MACROD2: variants seen among roughly 807,000 people sequenced by gnomAD.
MACROD2 encodes mono-ADP ribosylhydrolase 2, also known as ADP-ribose glycohydrolase MACROD2.
In MACROD2, 36 loss-of-function variants were observed where a neutral mutation model predicts 70.4. The ratio of observed to expected loss-of-function variants is 0.51; its 90% confidence interval spans 0.39 to 0.68. MACROD2 has a LOEUF of 0.68. Among genes scored for constraint, MACROD2 ranks in the 30% least tolerant of loss-of-function variants. The pLI is 0.00. For synonymous variants in MACROD2, 172 were observed against 178.8 expected (o/e 0.96, Z 0.30); for missense variants, 496 against 538.4 (o/e 0.92, Z 0.78).
At chr20:14,940,509 A>G (rs993646538) in intron 5 of MACROD2, among the ~76,000 whole-genome samples, 4 of 152,166 alleles carry the variant, frequency 2.6e-5, no homozygotes, top group Admixed American at 1.3e-4. Context: ...CAATTTTTCC[A>G]TGTTCAGTAC....
chr20:14,239,222 G>A (rs2081907529), intron 3 of MACROD2, among the ~76,000 whole-genome samples: 1 of 152,022 alleles, frequency 6.6e-6, no homozygotes, highest in South Asian at 2.1e-4. Context: ...AGAAATCAGA[G>A]ATAACAGAAA....
At chr20:15,344,006 G>A (rs1177144652) in intron 6 of MACROD2, among the ~76,000 whole-genome samples, 1 of 152,142 alleles carries the variant, frequency 6.6e-6, no homozygotes, top group African/African-American at 2.4e-5. Flanking sequence ...ATAGAAAAAT[G>A]TGAGAAAGGA....
In MACROD2 at chr20:15,701,044, A is replaced by G. The variant is rs78212842; in HGVS notation, c.646-161701A>G. Among the ~76,000 whole-genome samples the G allele has an allele frequency of 3.0e-3, 456 of 152,282 alleles. 5 individuals carry two copies. The highest frequency in any genetic ancestry group is 0.01 in the African/African-American group (435 of 41,554). On this transcript the variant is annotated intron_variant, in intron 8 of 17. Coordinates refer to ENST00000684519, the MANE Select transcript of MACROD2 (RefSeq NM_001351661.2). ...TTGGTTCAGCTGATCTGGGAACCAA[A>G]TTTTGAGAACTGCTGACCTCCACTA...
intron 8 of MACROD2, among the ~76,000 whole-genome samples, chr20:15,728,647 A>C (rs970708842): frequency 6.6e-6 from 1 of 152,108 alleles, no homozygotes; most frequent in Admixed American, 6.5e-5. Context: ...GTTTTTAAAA[A>C]TTTATCCATT....
chr20:15,691,741 G>T (rs1315938091), intron 8 of MACROD2, among the ~76,000 whole-genome samples: 1 of 152,162 alleles, frequency 6.6e-6, no homozygotes. Flanking sequence ...CTTGCTTGCT[G>T]CCCAGCCTAG....
chr20:15,636,098 A>AAAAAG (rs1555851926), intron 8 of MACROD2, among the ~76,000 whole-genome samples: 278 of 138,466 alleles, frequency 2.0e-3, no homozygotes, highest in Non-Finnish European at 3.7e-3. Flanking sequence ...AAAAAGAAAG[A>AAAAAG]AAAGAAAAGA....
chr20:15,392,651 G>A (rs2045808961), intron 6 of MACROD2, among the ~76,000 whole-genome samples: 1 of 151,962 alleles, frequency 6.6e-6, no homozygotes, highest in African/African-American at 2.4e-5. Flanking sequence ...CTGTTTTGAG[G>A]ATTGGTGCTT....
intron 6 of MACROD2, among the ~76,000 whole-genome samples, chr20:15,318,233 AT>A: frequency 6.6e-6 from 1 of 152,180 alleles, no homozygotes; most frequent in Non-Finnish European, 1.5e-5. Context: ...CAAAACATGG[AT>A]GAAATTGACA....
Position 14,706,967 on chromosome 20 carries a change from A to G in MACROD2, c.418+22008A>G, listed in dbSNP as rs543283388. On this transcript the variant is annotated intron_variant, in intron 5 of 17. Coordinates refer to ENST00000684519, the MANE Select transcript of MACROD2 (RefSeq NM_001351661.2). ...TAGGATGCAGAAAGCTAGGAGCTCA[A>G]ATTTAGATCCAAGGCAGTAATTCTC... Among the ~76,000 whole-genome samples the G allele has an allele frequency of 2.6e-5, 4 of 152,262 alleles. No homozygotes were observed. In the South Asian group the frequency reaches 8.3e-4, roughly 32 times the overall value.
At chr20:15,400,413 AC>A (rs1227694446) in intron 6 of MACROD2, among the ~76,000 whole-genome samples, 10 of 152,078 alleles carry the variant, frequency 6.6e-5, no homozygotes, top group Admixed American at 2.0e-4. Context: ...GTACCATGAC[AC>A]ACTTCACTTT....
At chr20:15,123,605 CA>C (rs1279255081) in intron 5 of MACROD2, among the ~76,000 whole-genome samples, 1 of 30,588 alleles carries the variant, frequency 3.3e-5, no homozygotes, top group Non-Finnish European at 6.2e-5. Flanking sequence ...AAATTCATTG[CA>C]CTTATTTTTT....
chr20:16,011,031 G>A (rs2066856388), intron 15 of MACROD2, among the ~76,000 whole-genome samples: 1 of 152,218 alleles, frequency 6.6e-6, no homozygotes, highest in Non-Finnish European at 1.5e-5. Flanking sequence ...TTGGGACAGA[G>A]TATCTTTTCC....
intron 6 of MACROD2, among the ~76,000 whole-genome samples, chr20:15,305,446 C>T (rs1356581786): frequency 6.6e-6 from 1 of 152,118 alleles, no homozygotes; most frequent in Non-Finnish European, 1.5e-5. Flanking sequence ...AGTTAAGGCA[C>T]ACAAATAAAT....
chr20:14,979,027 C>T (rs911472998), intron 5 of MACROD2, among the ~76,000 whole-genome samples: 6 of 150,264 alleles, frequency 4.0e-5, no homozygotes, highest in African/African-American at 1.5e-4. Flanking sequence ...TCATAGCTCA[C>T]TGCAACCTCG....
At chr20:15,291,234 GA>G (rs1286218069) in intron 6 of MACROD2, among the ~76,000 whole-genome samples, 1 of 152,208 alleles carries the variant, frequency 6.6e-6, no homozygotes, top group Non-Finnish European at 1.5e-5. Context: ...AGTCTGATGT[GA>G]AAAACCCATC....
Position 15,407,318 on chromosome 20 carries a change from T to C in MACROD2, c.541-24087T>C, listed in dbSNP as rs117769296. Among the ~76,000 whole-genome samples, 947 of 152,276 alleles carry C rather than the reference T, an allele frequency of 6.2e-3. 6 individuals are homozygous for C. The highest frequency in any genetic ancestry group is 0.014 in the Middle Eastern group (4 of 294). ...GCTAAATCACCCCTCAATGGAAAAG[T>C]TGTGTTCTACAGAGTTCCTCAGAGC... On this transcript the variant is annotated intron_variant, in intron 6 of 17. Transcript: ENST00000684519.
chr20:15,736,787 G>A (rs1364390400), intron 8 of MACROD2, among the ~76,000 whole-genome samples: 1 of 152,164 alleles, frequency 6.6e-6, no homozygotes, highest in Admixed American at 6.5e-5. Context: ...GTAGCCATTG[G>A]CTCCACAAGA....
chr20:15,702,032 A>G (rs2050468054), intron 8 of MACROD2, among the ~76,000 whole-genome samples: 1 of 152,186 alleles, frequency 6.6e-6, no homozygotes, highest in South Asian at 2.1e-4. Context: ...TCCAGAGTGT[A>G]TATGTACCAC....
rs565014897 is a variant in MACROD2, at chr20:15,093,398, T to C, written c.419-136542T>C. 1.7e-4 allele frequency among the ~76,000 whole-genome samples: 26 copies of C among 152,236 alleles called. 1 individual carries two copies. Among genetic ancestry groups the C allele is most frequent in the Non-Finnish European group, 3.1e-4 (21 of 68,012 alleles). On this transcript the variant is annotated intron_variant, in intron 5 of 17. Transcript: ENST00000684519. ...TGTCCTTTTGTGATATCTTGCACTT[T>C]TTCATTTTTATTTTTTCTTCTTTCT... is the stretch of plus-strand genomic sequence containing the variant.
Sources: gnomAD v4.1 joint callset for allele counts (sites outside exome capture counted in the v4.1 genomes callset) on GRCh38, gnomAD v4.1.1 for gene constraint, MANE v1.5 for transcripts, NCBI Gene and HGNC (gene_info 2026-07-23, HGNC 2026-07-21) for gene names.